LINGO2: variants seen among roughly 807,000 people sequenced by gnomAD.
The protein encoded by LINGO2 is leucine-rich repeat and immunoglobulin-like domain-containing nogo receptor-interacting protein 2.
Under a neutral mutation model 30.6 loss-of-function variants are expected in LINGO2, and 14 were observed. That is an observed-to-expected ratio of 0.46 (90% CI 0.30 to 0.72). LINGO2 has a LOEUF of 0.72. Among genes scored for constraint, LINGO2 ranks in the 30% least tolerant of loss-of-function variants. The pLI is 0.07. For missense variants in LINGO2, 729 were observed against 751.7 expected (o/e 0.97, Z 0.35); for synonymous variants, 317 against 288.5 (o/e 1.10, Z -1.00).
chr9:28,740,783 T>C, the LINGO2 span, among the ~76,000 whole-genome samples: 1 of 152,094 alleles, frequency 6.6e-6, no homozygotes, highest in Admixed American at 6.5e-5. Flanking sequence ...ATTACTTACA[T>C]ATTGTGAGAA....
chr9:28,263,793 A>T (rs1445573262), intron 4 of LINGO2, among the ~76,000 whole-genome samples: 3 of 151,990 alleles, frequency 2.0e-5, no homozygotes, highest in Admixed American at 1.3e-4. Context: ...AATGTACCCA[A>T]TTCTTAATGA....
intron 2 of LINGO2, among the ~76,000 whole-genome samples, chr9:28,465,661 A>T (rs1767412605): frequency 6.6e-6 from 1 of 152,160 alleles, no homozygotes; most frequent in South Asian, 2.1e-4. Flanking sequence ...CCAATCAAGA[A>T]ATTGAAGAGA....
At chr9:29,205,628 T>C in the LINGO2 span, among the ~76,000 whole-genome samples, 1 of 152,208 alleles carries the variant, frequency 6.6e-6, no homozygotes, top group Non-Finnish European at 1.5e-5. Context: ...TGGTATTATT[T>C]CTTCCCTAAA....
intron 1 of LINGO2, among the ~76,000 whole-genome samples, chr9:28,645,624 T>A (rs546078043): frequency 6.6e-6 from 1 of 152,014 alleles, no homozygotes; most frequent in South Asian, 2.1e-4. Context: ...GATAGATCAT[T>A]TGAGGGGACT....
chr9:29,080,771 T>A, the LINGO2 span, among the ~76,000 whole-genome samples: 1 of 152,116 alleles, frequency 6.6e-6, no homozygotes, highest in Non-Finnish European at 1.5e-5. Flanking sequence ...AGTTTCTTAA[T>A]CCTGAGTTCT....
intron 4 of LINGO2, among the ~76,000 whole-genome samples, chr9:28,047,214 C>G (rs967467154): frequency 2.6e-5 from 4 of 152,082 alleles, no homozygotes; most frequent in African/African-American, 9.7e-5. Context: ...TAAGTTTCCC[C>G]TACATAACAA....
chr9:29,180,577 A>G, the LINGO2 span, among the ~76,000 whole-genome samples: 1 of 152,158 alleles, frequency 6.6e-6, no homozygotes, highest in African/African-American at 2.4e-5. Context: ...ATGGATAAAA[A>G]AGATGTCCTG....
At chr9:28,847,422 G>A in the LINGO2 span, among the ~76,000 whole-genome samples, 1 of 146,468 alleles carries the variant, frequency 6.8e-6, no homozygotes, top group Non-Finnish European at 1.5e-5. Flanking sequence ...TTAATTTATG[G>A]CACGTCATTT....
rs190006026 is a variant in LINGO2 at position 28,178,206 on chromosome 9, C to T, written c.-87+117002G>A. Reference sequence around the variant, plus strand: ...GCATAAAACATGGAGTGAAATCAAGCTACAGATACCCGCAGCTCCCACAGT... The same window carrying T: ...GCATAAAACATGGAGTGAAATCAAGTTACAGATACCCGCAGCTCCCACAGT... On this transcript the variant is annotated intron_variant, in intron 4 of 5. Transcript: ENST00000379992. Among the ~76,000 whole-genome samples the T allele has an allele frequency of 7.3e-4, 111 of 152,164 alleles. 2 individuals carry two copies. Among genetic ancestry groups the T allele is most frequent in the Middle Eastern group, 6.8e-3 (2 of 294 alleles).
the LINGO2 span, among the ~76,000 whole-genome samples, chr9:28,709,133 A>G: frequency 2.6e-5 from 4 of 152,248 alleles, no homozygotes; most frequent in African/African-American, 9.6e-5. Context: ...TCCTGAGAAC[A>G]TCACCCTCCT....
rs1019836907 is a variant in LINGO2, at chr9:28,344,677, T to C, written c.-246+28159A>G. Among the ~76,000 whole-genome samples, 4 of 152,172 alleles carry C rather than the reference T, an allele frequency of 2.6e-5. No homozygotes were observed. The East Asian group carries it at 5.8e-4, about 22-fold the overall frequency. On this transcript the variant is annotated intron_variant, in intron 3 of 5. Transcript: ENST00000379992. ...AAAAGGGTCATTCAATTTTAAAATA[T>C]ATAAATAAGCGGCACTAGTAAAAAA...
the LINGO2 span, chr9:27,942,485 TTTG>T: frequency 4.6e-5 from 7 of 152,080 alleles, no homozygotes; most frequent in Non-Finnish European, 8.8e-5. Context: ...AATAAGTTAA[TTTG>T]TTTTTACATG....
chr9:29,119,292 G>A, the LINGO2 span, among the ~76,000 whole-genome samples: 2 of 152,116 alleles, frequency 1.3e-5, no homozygotes, highest in Non-Finnish European at 2.9e-5. Context: ...AACCATATAT[G>A]TGATAAAGGG....
intron 2 of LINGO2, among the ~76,000 whole-genome samples, chr9:28,453,521 A>C: frequency 6.6e-6 from 1 of 152,000 alleles, no homozygotes; most frequent in East Asian, 1.9e-4. Context: ...GTAAGACTCA[A>C]AGACAAAGAA....
intron 3 of LINGO2, among the ~76,000 whole-genome samples, chr9:28,333,478 A>C (rs1479018152): frequency 2.6e-5 from 4 of 152,210 alleles, no homozygotes; most frequent in Non-Finnish European, 5.9e-5. Context: ...TGGCAAAGTC[A>C]AGCCACAATG....
the LINGO2 span, among the ~76,000 whole-genome samples, chr9:28,774,192 T>C: frequency 6.6e-6 from 1 of 152,134 alleles, no homozygotes; most frequent in East Asian, 1.9e-4. Flanking sequence ...GCATGAGCTG[T>C]TCAGGAGGTT....
chr9:29,135,916 C>T, the LINGO2 span, among the ~76,000 whole-genome samples: 1 of 152,132 alleles, frequency 6.6e-6, no homozygotes, highest in African/African-American at 2.4e-5. Context: ...AGCATAATGT[C>T]GTCAAGGTTC....
At chr9:28,716,760 C>A in the LINGO2 span, among the ~76,000 whole-genome samples, 1 of 151,832 alleles carries the variant, frequency 6.6e-6, no homozygotes, top group African/African-American at 2.4e-5. Context: ...ATATAGCAAC[C>A]CAAAATTTTT....
the LINGO2 span, among the ~76,000 whole-genome samples, chr9:29,118,050 T>C: frequency 2.8e-4 from 43 of 152,142 alleles, no homozygotes; most frequent in Non-Finnish European, 5.1e-4. Context: ...AACATGAAAA[T>C]TGTTGACCAA....
Sources: gnomAD v4.1 joint callset for allele counts (sites outside exome capture counted in the v4.1 genomes callset) on GRCh38, gnomAD v4.1.1 for gene constraint, MANE v1.5 for transcripts, NCBI Gene and HGNC (gene_info 2026-07-23, HGNC 2026-07-21) for gene names.